Variants in ATG10 observed in about 807,000 individuals in gnomAD.
ATG10 encodes autophagy related 10.
In ATG10, 30 loss-of-function variants were observed where a neutral mutation model predicts 32.1. The observed-to-expected ratio is 0.94, with a 90% CI of 0.70 to 1.27. The LOEUF (loss-of-function observed/expected upper bound fraction) is 1.27. ATG10 is among the 50% of genes most tolerant of loss of function. ATG10 has a pLI of 0.00. For missense variants in ATG10, 233 were observed against 262.3 expected, an observed-to-expected ratio of 0.89 and a Z score of 0.77; for synonymous variants, 87 against 91.5, an observed-to-expected ratio of 0.95 and a Z score of 0.28.
intron 4 of ATG10, among the ~76,000 whole-genome samples, chr5:82,168,303 T>C (rs1743661615): frequency 6.6e-6 from 1 of 152,210 alleles, no homozygotes; most frequent in Non-Finnish European, 1.5e-5. Context: ...AGGCCTAGGC[T>C]TAAATATTTT....
chr5:82,226,780 C>T (rs1055293031), intron 5 of ATG10, among the ~76,000 whole-genome samples: 2 of 152,080 alleles, frequency 1.3e-5, no homozygotes, highest in African/African-American at 4.8e-5. Context: ...CTATTACAGG[C>T]CTGCTATCTT....
intron 2 of ATG10, among the ~76,000 whole-genome samples, chr5:81,991,373 A>G (rs1176962221): frequency 6.6e-6 from 1 of 152,158 alleles, no homozygotes; most frequent in Non-Finnish European, 1.5e-5. Flanking sequence ...AACTACATAT[A>G]TTTAAAGTGT....
At chr5:82,183,279 C>T (rs989453392) in intron 5 of ATG10, among the ~76,000 whole-genome samples, 4 of 152,058 alleles carry the variant, frequency 2.6e-5, no homozygotes, top group African/African-American at 7.2e-5. Flanking sequence ...AAATAGTTAA[C>T]ATATCTTAAG....
chr5:82,112,596 TTTTG>T (rs1372709681), intron 3 of ATG10, among the ~76,000 whole-genome samples: 8 of 152,036 alleles, frequency 5.3e-5, no homozygotes, highest in Non-Finnish European at 1.2e-4. Context: ...ACAAAAAGAA[TTTTG>T]TTTATTATAT....
intron 3 of ATG10, among the ~76,000 whole-genome samples, chr5:82,100,351 G>A (rs1765227311): frequency 6.6e-6 from 1 of 151,844 alleles, no homozygotes; most frequent in Non-Finnish European, 1.5e-5. Flanking sequence ...AATGGGTGGT[G>A]GTGTTTTGAC....
chr5:82,009,822 T>C lies in ATG10; in HGVS notation c.108+22144T>C, dbSNP rs975861678. The C allele has an allele frequency of 3.7e-6, 6 of 1,606,930 alleles. No homozygotes were observed. In the African/African-American group the frequency reaches 8.0e-5, roughly 22 times the overall value. On this transcript the variant is annotated intron_variant, in intron 2 of 7. Coordinates refer to ENST00000282185, the MANE Select transcript of ATG10 (RefSeq NM_031482.5). Reference sequence around the variant, plus strand: ...GGACAAGATGCCAGGACCTGTATGCTTTAGGATGAAGTTCTCATCTTCAAA... The same window carrying C: ...GGACAAGATGCCAGGACCTGTATGCCTTAGGATGAAGTTCTCATCTTCAAA...
At chr5:82,177,450 T>C (rs976933798) in intron 4 of ATG10, among the ~76,000 whole-genome samples, 3 of 152,150 alleles carry the variant, frequency 2.0e-5, no homozygotes, top group Admixed American at 2.0e-4. Flanking sequence ...GGTCTAAATA[T>C]TCAGTATATT....
intron 3 of ATG10, 77 bp from the exon 4 acceptor site, chr5:82,164,322 A>G (rs1743487486): frequency 2.8e-3 from 2,744 of 978,926 alleles, no homozygotes; most frequent in Non-Finnish European, 3.8e-3. Context: ...TGAGAAGAAA[A>G]TCTCCTCTTT....
At chr5:82,074,021 C>T (rs1764202133) in intron 3 of ATG10, among the ~76,000 whole-genome samples, 1 of 152,184 alleles carries the variant, frequency 6.6e-6, no homozygotes, top group South Asian at 2.1e-4. Flanking sequence ...TTTGGAGATA[C>T]AGTGGTACTA....
chr5:82,204,576 G>T (rs1745208552), intron 5 of ATG10, among the ~76,000 whole-genome samples: 1 of 152,168 alleles, frequency 6.6e-6, no homozygotes, highest in Non-Finnish European at 1.5e-5. Flanking sequence ...GAAATGATTG[G>T]AAGGGAGCAG....
intron 5 of ATG10, among the ~76,000 whole-genome samples, chr5:82,181,090 C>A (rs770961085): frequency 6.6e-6 from 1 of 152,198 alleles, no homozygotes; most frequent in East Asian, 1.9e-4. Flanking sequence ...TCCTCCCTAT[C>A]GTAGTACGGT....
intron 3 of ATG10, among the ~76,000 whole-genome samples, chr5:82,128,721 C>T (rs940658553): frequency 7.3e-6 from 1 of 136,602 alleles, no homozygotes; most frequent in Admixed American, 7.1e-5. Context: ...CTTCCATTAC[C>T]AAGCAAATGG....
At chr5:82,157,342 G>C (rs1270001781) in intron 3 of ATG10, among the ~76,000 whole-genome samples, 1 of 151,758 alleles carries the variant, frequency 6.6e-6, no homozygotes, top group Non-Finnish European at 1.5e-5. Context: ...ACCCTTTTTT[G>C]TTTCAGTGTT....
At chr5:82,102,023 T>A (rs1319654997) in intron 3 of ATG10, among the ~76,000 whole-genome samples, 1 of 152,196 alleles carries the variant, frequency 6.6e-6, no homozygotes, top group East Asian at 1.9e-4. Context: ...GGACACATAC[T>A]GACTTCACAC....
At chr5:81,986,357 G>A (rs1761272375) in intron 1 of ATG10, among the ~76,000 whole-genome samples, 1 of 152,244 alleles carries the variant, frequency 6.6e-6, no homozygotes, top group Non-Finnish European at 1.5e-5. Flanking sequence ...AATCTGGCAA[G>A]TTGGTTAGAT....
At chr5:81,987,355 G>C (rs918881285) in intron 1 of ATG10, among the ~76,000 whole-genome samples, 13 of 152,216 alleles carry the variant, frequency 8.5e-5, no homozygotes, top group Middle Eastern at 6.8e-3. Flanking sequence ...GAACTCCTGG[G>C]TTCAAGCTGT....
intron 2 of ATG10, among the ~76,000 whole-genome samples, chr5:81,993,800 A>G (rs916231760): frequency 2.0e-5 from 3 of 152,222 alleles, no homozygotes; most frequent in South Asian, 2.1e-4. Context: ...AGTGTCTTTT[A>G]TTATAGAAAT....
chr5:82,092,466 C>G (rs894138609), intron 3 of ATG10, among the ~76,000 whole-genome samples: 2 of 152,164 alleles, frequency 1.3e-5, no homozygotes, highest in African/African-American at 4.8e-5. Flanking sequence ...ACGTGGTTTA[C>G]TATTTCTCAA....
chr5:82,131,211 A>T (rs1349632770), intron 3 of ATG10, among the ~76,000 whole-genome samples: 2 of 152,172 alleles, frequency 1.3e-5, no homozygotes, highest in African/African-American at 4.8e-5. Context: ...TATCTAAAAT[A>T]AAAGTTGAAA....
Sources: allele counts gnomAD v4.1 joint callset (sites outside exome capture counted in the v4.1 genomes callset), GRCh38; gene constraint gnomAD v4.1.1; transcripts MANE v1.5; gene names NCBI Gene and HGNC (gene_info 2026-07-23, HGNC 2026-07-21).